RIC8A: variants seen among roughly 807,000 people sequenced by gnomAD.
The protein encoded by RIC8A is RIC8 guanine nucleotide exchange factor A.
In RIC8A, 37 loss-of-function variants were observed where a neutral mutation model predicts 48.4. The ratio of observed to expected loss-of-function variants is 0.77; its 90% CI spans 0.59 to 1.01. RIC8A has a LOEUF of 1.01. Among genes scored for constraint, RIC8A ranks in the 50% least tolerant of loss-of-function variants. The pLI is 0.00. For synonymous variants in RIC8A, 288 were observed against 283.4 expected (o/e 1.02, Z -0.16); for missense variants, 681 against 696.8 (o/e 0.98, Z 0.25).
rs1590076062 is a variant in RIC8A, at chr11:211,699, C to T, written c.969+350C>T. On this transcript the variant is annotated intron_variant, in intron 5 of 9. Coordinates refer to ENST00000526104, the MANE Select transcript of RIC8A (RefSeq NM_001286134.2). This position sits in a 1 kb window ranked among gnomAD's most constrained non-coding sequence, Gnocchi z 4.0. ...TTGTCCCTCAGCATCCTGAGGAGAC[C>T]CATAGGAACCTCAGATCAAAGCTTC... is the stretch of plus-strand genomic sequence containing the variant. 5.4e-6 allele frequency: 1 copy of T among 184,922 alleles called. No homozygotes were observed. Among genetic ancestry groups the T allele is most frequent in the Admixed American group, 5.6e-5 (1 of 17,760 alleles). 11.5% of individuals were successfully genotyped at this position (184,922 alleles called of 1,614,324 possible).
chr11:211,295 G>A lies in RIC8A; in HGVS notation c.915G>A (p.Val305=). Residue 305 remains valine (V), a synonymous_variant, in exon 5 of 10, where the codon GTG becomes GTA. Coordinates refer to ENST00000526104, the MANE Select transcript of RIC8A (RefSeq NM_001286134.2). This position sits in a 1 kb window ranked among gnomAD's most constrained non-coding sequence, Gnocchi z 4.0. Reference sequence around the variant, plus strand: ...GAGACTCCACGGAGTTCATGGGAGTGAATATGGATGTGATTCGTGCCCTCC... The same window carrying A: ...GAGACTCCACGGAGTTCATGGGAGTAAATATGGATGTGATTCGTGCCCTCC... ...PHGDSTEFMG[V]NMDVIRALLI... 1 of 1,614,180 alleles carries A rather than the reference G, an allele frequency of 6.2e-7. No individual in the cohort carries two copies. Among genetic ancestry groups the A allele is most frequent in the South Asian group, 1.1e-5 (1 of 91,074 alleles).
intron 9 of RIC8A, 84 bp from the exon 10 acceptor site, chr11:214,146 G>A: frequency 1.3e-6 from 2 of 1,487,448 alleles, no homozygotes; most frequent in South Asian, 1.3e-5. Context: ...TTGGTAGAGA[G>A]GAAGGTAGCA....
chr11:209,177 G>A, intron 1 of RIC8A, 94 bp from the exon 2 acceptor site: 1 of 1,450,490 alleles, frequency 6.9e-7, no homozygotes, highest in South Asian at 1.1e-5. Flanking sequence ...CTGAGCAGTG[G>A]CTGCTGCCTG....
chr11:212,505 G>C lies in RIC8A; in HGVS notation c.1059G>C (p.Lys353Asn). ...RMHRPARKFL[K>N]AQVLPPLRDV... ...ACCGCCCAGCCAGGAAGTTCCTGAA[G>C]GCCCAGGTATAAGGCTGAGGAGCTG... Residue 353 changes from lysine to asparagine, a missense_variant, in exon 6 of 10, where the codon AAG becomes AAC. Physicochemically the swap from Lys to Asn is moderately conservative, Grantham distance 94. Coordinates refer to ENST00000526104, the MANE Select transcript of RIC8A (RefSeq NM_001286134.2). The C allele has an allele frequency of 6.2e-7, 1 of 1,613,834 alleles. No homozygotes were observed. Among genetic ancestry groups the C allele is most frequent in the South Asian group, 1.1e-5 (1 of 91,018 alleles).
chr11:213,559 C>T, intron 9 of RIC8A, 141 bp downstream of exon 9: 1 of 1,199,484 alleles, frequency 8.3e-7, no homozygotes, highest in African/African-American at 1.5e-5. Context: ...TTTGAAATCA[C>T]TTGCCCTGGA....
In RIC8A at chr11:208,964, G is replaced by T; in HGVS notation, c.84+26G>T. ...GTAAGCGGCCGCCTGAGGCCGGGGGGCGGGCACGGAGGGGGTGGGGCAGGG... is the reference window on the plus strand; with the variant it reads ...GTAAGCGGCCGCCTGAGGCCGGGGGTCGGGCACGGAGGGGGTGGGGCAGGG... On this transcript the variant is annotated intron_variant, in intron 1 of 9. Transcript: ENST00000526104. The surrounding 1 kb of genome is among the most constrained non-coding windows in gnomAD (Gnocchi z 4.8). 1 of 1,568,822 alleles carries T rather than the reference G, an allele frequency of 6.4e-7. No individual in the cohort carries two copies. The highest frequency in any genetic ancestry group is 8.7e-7 in the Non-Finnish European group (1 of 1,152,510).
intron 9 of RIC8A, 156 bp from the exon 10 acceptor site, chr11:214,074 G>A: frequency 1.3e-6 from 1 of 794,954 alleles, no homozygotes; most frequent in East Asian, 2.7e-5. Context: ...GCAGCAGTTA[G>A]GGTTTGGGCC....
intron 9 of RIC8A, 143 bp downstream of exon 9, chr11:213,561 T>C (rs1214192429): frequency 1.7e-6 from 2 of 1,159,330 alleles, no homozygotes; most frequent in African/African-American, 3.1e-5. Context: ...TGAAATCACT[T>C]GCCCTGGAGG....
At chr11:209,339 T>A (rs1190626146) in intron 2 of RIC8A, 21 bp downstream of exon 2, 1 of 1,608,744 alleles carries the variant, frequency 6.2e-7, no homozygotes, top group South Asian at 1.1e-5. Context: ...GCCCAAGGGG[T>A]AAAGGGGCAG....
At chr11:210,249 C>A in intron 3 of RIC8A, 1 of 663,010 alleles carries the variant, frequency 1.5e-6, no homozygotes, top group South Asian at 1.7e-5. Context: ...TCTGGGGAGA[C>A]TGTAAGAGAT....
chr11:212,542 G>C (rs755942106), intron 6 of RIC8A, 31 bp downstream of exon 6: 24 of 1,612,776 alleles, frequency 1.5e-5, no homozygotes, highest in Non-Finnish European at 2.0e-5. Context: ...TGCTCCTGGG[G>C]GATGTGGTTT....
In RIC8A at chr11:210,553, C is replaced by T. The variant is rs1855330048; in HGVS notation, c.727-18C>T. 6.2e-7 allele frequency: 1 copy of T among 1,612,116 alleles called. No homozygotes were observed. Among genetic ancestry groups the T allele is most frequent in the South Asian group, 1.1e-5 (1 of 91,032 alleles). Reference sequence around the variant, plus strand: ...GATGAGTGGGGCTCCTCACAGGAACCCTTCTTTCTTTGGTCAGGAAGACGC... The same window carrying T: ...GATGAGTGGGGCTCCTCACAGGAACTCTTCTTTCTTTGGTCAGGAAGACGC... On this transcript the variant is annotated intron_variant, in intron 3 of 9. Transcript: ENST00000526104.
At chr11:214,070 G>T in intron 9 of RIC8A, 160 bp from the exon 10 acceptor site, 1 of 773,742 alleles carries the variant, frequency 1.3e-6, no homozygotes, top group Non-Finnish European at 2.0e-6. Flanking sequence ...GGAGGCAGCA[G>T]TTAGGGTTTG....
chr11:213,458 G>A (rs770036486), intron 9 of RIC8A, 40 bp downstream of exon 9: 2 of 1,552,826 alleles, frequency 1.3e-6, no homozygotes, highest in Non-Finnish European at 1.7e-6. Flanking sequence ...GCTGGGAGAA[G>A]GGAGAGCTGA....
chr11:210,828 G>A (rs1855339010), intron 4 of RIC8A, 166 bp downstream of exon 4: 2 of 674,644 alleles, frequency 3.0e-6, no homozygotes, highest in East Asian at 5.4e-5. Flanking sequence ...TTGGGGGCAG[G>A]AATGTGCCAA....
chr11:210,984 G>A (rs2133749556), intron 4 of RIC8A: 1 of 609,786 alleles, frequency 1.6e-6, no homozygotes, highest in Non-Finnish European at 2.9e-6. Flanking sequence ...GGGAGGCAGT[G>A]TGTCTCAGTG....
Position 212,528 on chromosome 11 carries a change from C to T in RIC8A, c.1065+17C>T, listed in dbSNP as rs1052452214. The T allele has an allele frequency of 6.2e-7, 1 of 1,613,074 alleles. No homozygotes were observed. On this transcript the variant is annotated intron_variant, in intron 6 of 9. Coordinates refer to ENST00000526104, the MANE Select transcript of RIC8A (RefSeq NM_001286134.2). ...AAGGCCCAGGTATAAGGCTGAGGAG[C>T]TGGTGCTCCTGGGGGATGTGGTTTC...
rs1289712899 is a variant in RIC8A, at chr11:212,425, C to T, written c.979C>T (p.Leu327=). ...AGAGAATCCTCTACAGACACACAGG[C>T]TGAAGGAGAGTGTAGCTCCCGTGCT... ...LEKRLHKTHR[L]KESVAPVLSV... Residue 327 remains leucine, a synonymous_variant, in exon 6 of 10, where the codon CTG becomes TTG. Coordinates refer to ENST00000526104, the MANE Select transcript of RIC8A (RefSeq NM_001286134.2). The T allele has an allele frequency of 1.2e-6, 2 of 1,613,686 alleles. No homozygotes were observed. The highest frequency in any genetic ancestry group is 1.3e-5 in the African/African-American group (1 of 74,934).
intron 9 of RIC8A, 157 bp downstream of exon 9, chr11:213,575 T>A: frequency 1.0e-6 from 1 of 957,628 alleles, no homozygotes; most frequent in South Asian, 1.7e-5. Context: ...CTGGAGGAAA[T>A]CCCCCAGGGG....
Sources: gnomAD v4.1 joint callset for allele counts on GRCh38, gnomAD v4.1.1 for gene constraint, Gnocchi (gnomAD v3.1) non-coding constraint, MANE v1.5 for transcripts, NCBI Gene and HGNC (gene_info 2026-07-23, HGNC 2026-07-21) for gene names.